The following PLCB1 variants were observed in gnomAD, a reference collection of about 807,000 sequenced individuals.
The protein encoded by PLCB1 is 1-phosphatidylinositol 4,5-bisphosphate phosphodiesterase beta-1.
PLCB1 carries 46 observed loss-of-function variants against 161.8 expected under a neutral mutation model. The ratio of observed to expected loss-of-function variants is 0.28; its 90% CI spans 0.22 to 0.36. The LOEUF (loss-of-function observed/expected upper bound fraction) is 0.36. Among genes scored for constraint, PLCB1 ranks in the 10% least tolerant of loss-of-function variants. The pLI, the probability that PLCB1 is intolerant of heterozygous loss-of-function variation, is 1.00. For missense variants in PLCB1, 1,016 were observed against 1,472.5 expected (o/e 0.69, Z 5.07); for synonymous variants, 517 against 503.7 (o/e 1.03, Z -0.35).
chr20:8,506,873 G>A (rs1272280407), intron 3 of PLCB1, among the ~76,000 whole-genome samples: 1 of 151,924 alleles, frequency 6.6e-6, no homozygotes, highest in Non-Finnish European at 1.5e-5. Flanking sequence ...ATATTACATA[G>A]GTCTATTCAT....
intron 3 of PLCB1, among the ~76,000 whole-genome samples, chr20:8,524,506 C>G (rs1320562915): frequency 6.6e-6 from 1 of 152,128 alleles, no homozygotes. Flanking sequence ...GTAAACGTGT[C>G]TTTGTCTTCT....
At chr20:8,303,149 T>A (rs2123323461) in intron 2 of PLCB1, among the ~76,000 whole-genome samples, 1 of 152,324 alleles carries the variant, frequency 6.6e-6, no homozygotes, top group East Asian at 1.9e-4. Context: ...GAAGGTCTGC[T>A]CCCATGAGCA....
At chr20:8,759,461 A>G (rs924959239) in intron 24 of PLCB1, among the ~76,000 whole-genome samples, 1 of 152,140 alleles carries the variant, frequency 6.6e-6, no homozygotes, top group African/African-American at 2.4e-5. Context: ...TGTAACAGTT[A>G]TTACTGCCTA....
chr20:8,241,888 T>A (rs1980631484), intron 2 of PLCB1, among the ~76,000 whole-genome samples: 1 of 151,734 alleles, frequency 6.6e-6, no homozygotes, highest in Non-Finnish European at 1.5e-5. Flanking sequence ...GGTTCCACAT[T>A]TAAAGAGGGA....
intron 9 of PLCB1, among the ~76,000 whole-genome samples, chr20:8,674,055 C>A (rs112134862): frequency 1.3e-5 from 2 of 152,188 alleles, no homozygotes; most frequent in African/African-American, 2.4e-5. Flanking sequence ...CTCCCTCCCC[C>A]CTTAAATGGG....
chr20:8,640,210 C>T lies in PLCB1; in HGVS notation c.385-5892C>T, dbSNP rs147262558. ...AGTTAATGAGGAACTACCTGTGCCT[C>T]GTTCACTAATCAGTTTTCAAGTAAT... is the stretch of plus-strand genomic sequence containing the variant. On this transcript the variant is annotated intron_variant, in intron 4 of 31. Coordinates refer to ENST00000338037, the MANE Select transcript of PLCB1 (RefSeq NM_015192.4). 3.2e-3 allele frequency among the ~76,000 whole-genome samples: 487 copies of T among 152,306 alleles called. 4 individuals carry two copies. Among genetic ancestry groups the T allele is most frequent in the African/African-American group, 0.011 (456 of 41,558 alleles).
intron 31 of PLCB1, among the ~76,000 whole-genome samples, chr20:8,849,069 A>G (rs1385657572): frequency 6.6e-6 from 1 of 152,140 alleles, no homozygotes; most frequent in Non-Finnish European, 1.5e-5. Context: ...AGAACAAGAG[A>G]GGGAAATTTA....
At chr20:8,246,775 A>G (rs1980899877) in intron 2 of PLCB1, among the ~76,000 whole-genome samples, 1 of 151,504 alleles carries the variant, frequency 6.6e-6, no homozygotes, top group Admixed American at 6.6e-5. Flanking sequence ...CATAGTTTTT[A>G]TCTTTTAATT....
At chr20:8,369,227 C>T (rs768355603) in intron 2 of PLCB1, among the ~76,000 whole-genome samples, 2 of 152,096 alleles carry the variant, frequency 1.3e-5, no homozygotes, top group Non-Finnish European at 2.9e-5. Flanking sequence ...GAAACTGCAG[C>T]GTGTTTTATG....
At position 8,392,351 on chromosome 20, in the gene PLCB1, C is replaced by G. The variant is rs187055460; in HGVS notation, c.246+20901C>G. The stretch of plus-strand genomic sequence containing the variant: ...TACGCCTTGATTTTGAGCCTCCCAG[C>G]CTTCACATCTGTGGAAAATAAATTT... On this transcript the variant is annotated intron_variant, in intron 3 of 31. Transcript: ENST00000338037. Among the ~76,000 whole-genome samples, 267 of 152,260 alleles carry G rather than the reference C, an allele frequency of 1.8e-3. 1 individual carries two copies. Among genetic ancestry groups the G allele is most frequent in the African/African-American group, 5.5e-3 (228 of 41,550 alleles).
chr20:8,708,801 T>C lies in PLCB1; in HGVS notation c.1250+49T>C, dbSNP rs761393856. On this transcript the variant is annotated intron_variant, in intron 12 of 31. Coordinates refer to ENST00000338037, the MANE Select transcript of PLCB1 (RefSeq NM_015192.4). ...ATGAGTCTTTTTCCCGAATAGGGCATACTGAGTAATTGTTTATCAGATTTA... is the reference window on the plus strand; with the variant it reads ...ATGAGTCTTTTTCCCGAATAGGGCACACTGAGTAATTGTTTATCAGATTTA... 3.8e-6 allele frequency: 4 copies of C among 1,046,862 alleles called. No homozygotes were observed. In the African/African-American group the frequency reaches 6.3e-5, roughly 16 times the overall value. 64.8% of individuals were successfully genotyped at this position (1,046,862 alleles called of 1,614,324 possible). A position where few individuals can be genotyped will look rare whatever the true frequency, so the allele number is the denominator to read the frequency against.
At chr20:8,554,048 C>T (rs1484953694) in intron 3 of PLCB1, among the ~76,000 whole-genome samples, 1 of 151,262 alleles carries the variant, frequency 6.6e-6, no homozygotes, top group Admixed American at 6.6e-5. Flanking sequence ...AGTCATTACA[C>T]CACTATACAT....
At chr20:8,749,068 G>A (rs1310534838) in intron 23 of PLCB1, among the ~76,000 whole-genome samples, 1 of 152,192 alleles carries the variant, frequency 6.6e-6, no homozygotes, top group Non-Finnish European at 1.5e-5. Context: ...GCTTCCAGGT[G>A]ATGCTTATGG....
chr20:8,264,467 G>T (rs1290454449), intron 2 of PLCB1, among the ~76,000 whole-genome samples: 1 of 152,028 alleles, frequency 6.6e-6, no homozygotes, highest in Non-Finnish European at 1.5e-5. Context: ...TAACATAGTT[G>T]TTTATTATCA....
rs1980866983 is a variant in PLCB1, at chr20:8,246,162, C to A, written c.177+95791C>A. On this transcript the variant is annotated intron_variant, in intron 2 of 31. Transcript: ENST00000338037. ...AACACAAAAGACATGCATCAGATAG[C>A]TATTTTTGTGCAAAAGCCATCCCAA... Among the ~76,000 whole-genome samples, 4 of 151,858 alleles carry A rather than the reference C, an allele frequency of 2.6e-5. No homozygotes were observed. The South Asian group carries it at 8.3e-4, about 31-fold the overall frequency.
chr20:8,831,105 T>C (rs1985960242), intron 31 of PLCB1: 1 of 152,238 alleles, frequency 6.6e-6, no homozygotes. Context: ...CTCTTATTAC[T>C]AATTAGATTA....
At chr20:8,182,944 T>C (rs1194638620) in intron 2 of PLCB1, among the ~76,000 whole-genome samples, 1 of 151,220 alleles carries the variant, frequency 6.6e-6, no homozygotes, top group East Asian at 2.0e-4. Context: ...CTTAACTAAC[T>C]ATTAGAATAA....
chr20:8,209,172 T>C (rs770963977), intron 2 of PLCB1, among the ~76,000 whole-genome samples: 2 of 151,946 alleles, frequency 1.3e-5, no homozygotes, highest in African/African-American at 2.4e-5. Flanking sequence ...TAATTAAACT[T>C]GAGGGCAGAA....
intron 3 of PLCB1, among the ~76,000 whole-genome samples, chr20:8,562,549 A>G (rs968467598): frequency 6.6e-6 from 1 of 152,094 alleles, no homozygotes; most frequent in African/African-American, 2.4e-5. Context: ...TGCTCTGGCC[A>G]TGTGATAATT....
Sources: gnomAD v4.1 joint callset for allele counts (sites outside exome capture counted in the v4.1 genomes callset) on GRCh38, gnomAD v4.1.1 for gene constraint, MANE v1.5 for transcripts, NCBI Gene and HGNC (gene_info 2026-07-23, HGNC 2026-07-21) for gene names.